Variants in PCDHGB6 observed in about 807,000 individuals in gnomAD.
PCDHGB6 encodes the protein protocadherin gamma-B6.
A neutral mutation model predicts 59.1 loss-of-function variants in PCDHGB6; 51 were observed. The ratio of observed to expected loss-of-function variants is 0.86; its 90% confidence interval spans 0.69 to 1.09. The LOEUF (loss-of-function observed/expected upper bound fraction) is 1.09. Ranked by LOEUF, PCDHGB6 falls within the 50% of genes least tolerant of loss-of-function variation. The pLI is 0.00. For synonymous variants in PCDHGB6, 466 were observed against 495.1 expected, an observed-to-expected ratio of 0.94 and a Z score of 0.78; for missense variants, 1,148 against 1,205.1, an observed-to-expected ratio of 0.95 and a Z score of 0.70.
intron 1 of PCDHGB6, chr5:141,417,999 TG>T: frequency 6.2e-7 from 1 of 1,613,838 alleles, no homozygotes; most frequent in Non-Finnish European, 8.5e-7. Context: ...GGCTCGGTGG[TG>T]GGGAACCTCG....
At chr5:141,427,416 G>T (rs1457696807) in intron 1 of PCDHGB6, 2 of 466,124 alleles carry the variant, frequency 4.3e-6, no homozygotes, top group South Asian at 3.1e-5. Flanking sequence ...GAGAGAAAAT[G>T]GGGAGGTTAC....
chr5:141,456,020 C>T (rs2098840631), intron 1 of PCDHGB6, among the ~76,000 whole-genome samples: 1 of 151,834 alleles, frequency 6.6e-6, no homozygotes, highest in South Asian at 2.1e-4. Flanking sequence ...GCCTCAGCCT[C>T]CCGAGTAGCT....
intron 1 of PCDHGB6, chr5:141,426,713 AC>A: frequency 2.2e-6 from 1 of 445,196 alleles, no homozygotes; most frequent in Middle Eastern, 3.3e-4. Flanking sequence ...AAATCAATGA[AC>A]TAGCAATTCC....
chr5:141,431,127 T>C lies in PCDHGB6; in HGVS notation c.2418+20507T>C, dbSNP rs1455709617. ...AAAATATATGGAGTAGAAGTAGAAG[T>C]AAGGGACATTAACGACAATGCGCCT... On this transcript the variant is annotated intron_variant, in intron 1 of 3. Transcript: ENST00000520790. This position sits in a 1 kb window ranked among gnomAD's most constrained non-coding sequence, Gnocchi z 4.8. 1 of 1,614,176 alleles carries C rather than the reference T, an allele frequency of 6.2e-7. No individual in the cohort carries two copies. Among genetic ancestry groups the C allele is most frequent in the East Asian group, 2.2e-5 (1 of 44,878 alleles).
At chr5:141,472,323 C>T (rs980684595) in intron 1 of PCDHGB6, among the ~76,000 whole-genome samples, 4 of 151,498 alleles carry the variant, frequency 2.6e-5, no homozygotes, top group East Asian at 2.0e-4. Flanking sequence ...AGGCAGATCA[C>T]GAGGTTGGGA....
At chr5:141,505,275 AGGTCTTGGGCATGGGGTAG>A (rs1251192617) in intron 2 of PCDHGB6, 99 bp from the exon 3 acceptor site, 87 of 1,525,470 alleles carry the variant, frequency 5.7e-5, no homozygotes, top group Non-Finnish European at 2.0e-5. Context: ...TGAGAGAAAC[AGGTCTTGGGCATGGGGTAG>A]GGTTAGGGTA....
chr5:141,436,840 C>T (rs1195342311), intron 1 of PCDHGB6, among the ~76,000 whole-genome samples: 1 of 152,220 alleles, frequency 6.6e-6, no homozygotes, highest in Admixed American at 6.5e-5. Flanking sequence ...TGCCTAGGCA[C>T]ATTCTTGATT....
intron 1 of PCDHGB6, among the ~76,000 whole-genome samples, chr5:141,455,776 A>G (rs1386162201): frequency 6.6e-6 from 1 of 152,186 alleles, no homozygotes. Context: ...GGGCTTTAAA[A>G]GAAACTTTTC....
chr5:141,449,588 CAAAAAA>C (rs768743917), intron 1 of PCDHGB6, among the ~76,000 whole-genome samples: 1 of 57,492 alleles, frequency 1.7e-5, no homozygotes, highest in Admixed American at 1.8e-4. Flanking sequence ...GACTCTGTCT[CAAAAAA>C]AAAAAAAAAA....
In PCDHGB6 at chr5:141,474,057, G is replaced by A. The variant is rs546654716; in HGVS notation, c.2419-20750G>A. Among the ~76,000 whole-genome samples, 3 of 152,192 alleles carry A rather than the reference G, an allele frequency of 2.0e-5. No homozygotes were observed. In the East Asian group the frequency reaches 5.8e-4, roughly 29 times the overall value. On this transcript the variant is annotated intron_variant, in intron 1 of 3. Transcript: ENST00000520790. ...TGTACTCCAGCCTGGATGACAGAGC[G>A]AGATCCTGCCTCAGAAACAAAAACC... is the stretch of plus-strand genomic sequence containing the variant.
chr5:141,468,814 C>G (rs2099180978), intron 1 of PCDHGB6, among the ~76,000 whole-genome samples: 1 of 151,814 alleles, frequency 6.6e-6, no homozygotes, highest in African/African-American at 2.4e-5. Context: ...TGCAGTGAGC[C>G]AAGATCAAGC....
intron 1 of PCDHGB6, chr5:141,441,551 T>C (rs2098254450): frequency 5.4e-6 from 1 of 184,050 alleles, no homozygotes; most frequent in African/African-American, 2.4e-5. Flanking sequence ...GCCTCCATAG[T>C]GTGCAAGTAG....
intron 1 of PCDHGB6, chr5:141,426,336 C>T (rs779025306): frequency 1.7e-4 from 31 of 187,682 alleles, no homozygotes; most frequent in Non-Finnish European, 2.8e-4. Context: ...GGCAAGCACT[C>T]TTCCCTTTCC....
In PCDHGB6 at chr5:141,511,367, G is replaced by A. The variant is rs563286583; in HGVS notation, c.*194G>A. ...CCTTCCCCCCCAGGGGGTTGAATAT[G>A]CAAAAGCAGTTCCGCTGGGAACCCC... On this transcript the variant is annotated 3_prime_UTR_variant, in exon 4 of 4. Coordinates refer to ENST00000520790, the MANE Select transcript of PCDHGB6 (RefSeq NM_018926.3). 2.3e-6 allele frequency: 3 copies of A among 1,299,952 alleles called. No individual in the cohort carries two copies. Among genetic ancestry groups the A allele is most frequent in the Non-Finnish European group, 3.1e-6 (3 of 967,442 alleles). 80.5% of individuals were successfully genotyped at this position (1,299,952 alleles called of 1,614,324 possible).
intron 1 of PCDHGB6, chr5:141,478,477 C>T: frequency 6.2e-7 from 1 of 1,613,796 alleles, no homozygotes; most frequent in Non-Finnish European, 8.5e-7. Flanking sequence ...GCCGCCAGAA[C>T]ACGCTGCGGA....
chr5:141,427,697 A>G (rs1306378691), intron 1 of PCDHGB6: 3 of 924,392 alleles, frequency 3.2e-6, no homozygotes, highest in South Asian at 1.4e-5. Context: ...CCATCCCACA[A>G]GTCAGCGCCT....
In PCDHGB6 at chr5:141,422,509, C is replaced by G. The variant is rs1249006816; in HGVS notation, c.2418+11889C>G. On this transcript the variant is annotated intron_variant, in intron 1 of 3. Coordinates refer to ENST00000520790, the MANE Select transcript of PCDHGB6 (RefSeq NM_018926.3). ...CAATATAACGTTGACAGCCACAGAC[C>G]AGGGAAGCCCGCCTTTGTCTGCAGA... The G allele has an allele frequency of 1.9e-6, 3 of 1,613,836 alleles. No homozygotes were observed. In the South Asian group the frequency reaches 3.3e-5, roughly 18 times the overall value.
At position 141,409,741 on chromosome 5, in the gene PCDHGB6, G is replaced by A; in HGVS notation, c.1539G>A (p.Val513=). 2 of 1,613,122 alleles carry A rather than the reference G, an allele frequency of 1.2e-6. No individual in the cohort carries two copies. Among genetic ancestry groups the A allele is most frequent in the Non-Finnish European group, 1.7e-6 (2 of 1,179,874 alleles). Residue 513 remains valine (V), a synonymous_variant, in exon 1 of 4, where the codon GTG becomes GTA. Coordinates refer to ENST00000520790, the MANE Select transcript of PCDHGB6 (RefSeq NM_018926.3). ...TGTCAGTGAGCGCGCAGAGCGGGGT[G>A]GTGTTCGCGCAGCGCGCCTTTGATC... ...SYVSVSAQSG[V]VFAQRAFDHE... is the part of the protein sequence containing the mutation.
chr5:141,423,597 G>C, intron 1 of PCDHGB6: 1 of 1,613,188 alleles, frequency 6.2e-7, no homozygotes, highest in Non-Finnish European at 8.5e-7. Context: ...AGAAAAGCGA[G>C]CCACTCTTGA....
Sources: allele counts gnomAD v4.1 joint callset (sites outside exome capture counted in the v4.1 genomes callset), GRCh38; gene constraint gnomAD v4.1.1; non-coding constraint Gnocchi (gnomAD v3.1); transcripts MANE v1.5; gene names NCBI Gene and HGNC (gene_info 2026-07-23, HGNC 2026-07-21).